CFAP47: variants seen among roughly 807,000 people sequenced by gnomAD.
CFAP47 encodes the protein cilia- and flagella-associated protein 47.
CFAP47 carries 29 observed loss-of-function variants against 148.1 expected under a neutral mutation model. That is an observed-to-expected ratio of 0.20 (90% confidence interval 0.15 to 0.27). CFAP47 has a LOEUF of 0.27. Ranked by LOEUF, CFAP47 falls within the 10% of genes least tolerant of loss-of-function variation. The pLI is 1.00. For synonymous variants in CFAP47, 664 were observed against 577.3 expected, an observed-to-expected ratio of 1.15 and a Z score of -2.15; for missense variants, 1,872 against 1,697.5, an observed-to-expected ratio of 1.10 and a Z score of -1.81.
intron 24 of CFAP47, among the ~76,000 whole-genome samples, chrX:36,037,281 C>T (rs948098719): frequency 1.8e-5 from 2 of 111,474 alleles, no homozygotes; most frequent in Non-Finnish European, 3.8e-5. Flanking sequence ...TTTCAATATG[C>T]GCTGGGCCCT....
intron 42 of CFAP47, among the ~76,000 whole-genome samples, chrX:36,196,391 G>A (rs6629052): frequency 0.13 from 14,546 of 110,150 alleles, 739 homozygotes; most frequent in East Asian, 0.26. Flanking sequence ...ATCACAAAAC[G>A]GGAAAGATCC....
chrX:36,219,517 G>A (rs1359758630), intron 45 of CFAP47, among the ~76,000 whole-genome samples: 1 of 110,879 alleles, frequency 9.0e-6, no homozygotes, highest in Non-Finnish European at 1.9e-5. Flanking sequence ...TATTATTGGT[G>A]GGACAAGAGT....
At chrX:36,094,558 T>A (rs1310172872) in intron 30 of CFAP47, among the ~76,000 whole-genome samples, 1 of 111,127 alleles carries the variant, frequency 9.0e-6, no homozygotes, top group East Asian at 2.8e-4. Flanking sequence ...CATCAGTGAT[T>A]TATGGTTTTC....
intron 26 of CFAP47, among the ~76,000 whole-genome samples, chrX:36,049,486 T>TCC (rs1335410550): frequency 1.5e-5 from 1 of 64,554 alleles, no homozygotes; most frequent in Admixed American, 1.9e-4. Flanking sequence ...TATTTCTCTC[T>TCC]CTCACACACA....
chrX:36,211,645 G>T, intron 45 of CFAP47: 1 of 204,492 alleles, frequency 4.9e-6, no homozygotes, highest in Admixed American at 5.9e-5. Context: ...GAGTTGTAAA[G>T]GTTGAAAACA....
intron 2 of CFAP47, among the ~76,000 whole-genome samples, chrX:35,937,861 G>A (rs1801417948): frequency 9.0e-6 from 1 of 110,872 alleles, no homozygotes; most frequent in Non-Finnish European, 1.9e-5. Flanking sequence ...AGTGAACCCT[G>A]AAAAAAGAAG....
At chrX:36,322,851 A>G (rs1941489303) in intron 57 of CFAP47, among the ~76,000 whole-genome samples, 1 of 110,780 alleles carries the variant, frequency 9.0e-6, no homozygotes, top group Admixed American at 9.7e-5. Context: ...GGGCTTGTTT[A>G]TTTTATAGAA....
At chrX:36,257,895 G>A (rs1358175909) in intron 49 of CFAP47, among the ~76,000 whole-genome samples, 1 of 111,990 alleles carries the variant, frequency 8.9e-6, no homozygotes, top group Non-Finnish European at 1.9e-5. Flanking sequence ...AGTCATATTA[G>A]TAGTCTTCAT....
At chrX:36,369,998 A>G (rs925663995) in intron 62 of CFAP47, among the ~76,000 whole-genome samples, 13 of 111,703 alleles carry the variant, frequency 1.2e-4, no homozygotes, top group African/African-American at 3.9e-4. Flanking sequence ...CCTCCTGGGT[A>G]TTGTCACCAG....
intron 33 of CFAP47, among the ~76,000 whole-genome samples, chrX:36,135,739 C>T (rs975548652): frequency 9.0e-6 from 1 of 111,549 alleles, no homozygotes; most frequent in South Asian, 3.7e-4. Context: ...ATGGCAGGTA[C>T]GTGAAAATGT....
intron 23 of CFAP47, among the ~76,000 whole-genome samples, chrX:36,034,105 A>G (rs1937312615): frequency 9.0e-6 from 1 of 111,615 alleles, no homozygotes; most frequent in South Asian, 3.7e-4. Flanking sequence ...AGGATAGCAC[A>G]TTGCATTTAG....
Position 36,027,685 on chromosome X carries a change from G to A in CFAP47, c.3557-3568G>A, listed in dbSNP as rs147512876. Among the ~76,000 whole-genome samples the A allele has an allele frequency of 5.4e-3, 600 of 111,122 alleles. 6 individuals are homozygous for A. Among genetic ancestry groups the A allele is most frequent in the African/African-American group, 0.019 (574 of 30,594 alleles). ...TTGGGTTTATGCCCAGTAGTGGGAT[G>A]GCTAGATCAAATGGTAGTGCAATTT... On this transcript the variant is annotated intron_variant, in intron 22 of 63. Coordinates refer to ENST00000378653, the MANE Select transcript of CFAP47 (RefSeq NM_001304548.2).
Position 35,971,823 on chromosome X carries a change from C to G in CFAP47, c.2158-46C>G, listed in dbSNP as rs754014624. On this transcript the variant is annotated intron_variant, in intron 12 of 63. Transcript: ENST00000378653. ...TATTCCACGAGAATTCTTAAAATAGCTTTTGCTAATAATGAATAATTCTGG... is the reference window on the plus strand; with the variant it reads ...TATTCCACGAGAATTCTTAAAATAGGTTTTGCTAATAATGAATAATTCTGG... The G allele has an allele frequency of 2.5e-6, 3 of 1,185,925 alleles. No homozygotes were observed. In the East Asian group the frequency reaches 8.9e-5, roughly 35 times the overall value.
At chrX:36,199,369 C>G (rs994753926) in intron 42 of CFAP47, among the ~76,000 whole-genome samples, 1 of 112,365 alleles carries the variant, frequency 8.9e-6, no homozygotes, top group Non-Finnish European at 1.9e-5. Flanking sequence ...ATGTCCACCT[C>G]TGCTGATCTT....
intron 45 of CFAP47, among the ~76,000 whole-genome samples, chrX:36,213,456 G>C (rs184653965): frequency 9.0e-6 from 1 of 111,596 alleles, no homozygotes; most frequent in East Asian, 2.8e-4. Flanking sequence ...TTTGGAAGGA[G>C]TCTAGAAACC....
At chrX:36,326,680 C>A (rs1201946851) in intron 57 of CFAP47, among the ~76,000 whole-genome samples, 1 of 111,920 alleles carries the variant, frequency 8.9e-6, no homozygotes, top group Non-Finnish European at 1.9e-5. Flanking sequence ...GATGATTTAG[C>A]GTACCTGCAG....
chrX:36,195,126 T>C (rs73197177), intron 42 of CFAP47, among the ~76,000 whole-genome samples: 32 of 113,073 alleles, frequency 2.8e-4, no homozygotes, highest in Non-Finnish European at 5.2e-4. Context: ...CACAGTGTCC[T>C]GAAACATGTC....
chrX:36,335,575 C>A (rs1390341888), intron 57 of CFAP47, among the ~76,000 whole-genome samples: 3 of 111,871 alleles, frequency 2.7e-5, no homozygotes, highest in African/African-American at 9.8e-5. Context: ...TAGATTAATG[C>A]CCTCTTTTGG....
At position 35,959,552 on chromosome X, in the gene CFAP47, T is replaced by C. The variant is rs371103689; in HGVS notation, c.1410+3356T>C. 1.3e-4 allele frequency among the ~76,000 whole-genome samples: 15 copies of C among 111,948 alleles called. No individual in the cohort carries two copies. In the East Asian group the frequency reaches 4.2e-3, roughly 32 times the overall value. ...GGTCGGGCGCGGTGGCTCACGCCTG[T>C]AATCCCAGCACTTTGGGAGGCCGAG... On this transcript the variant is annotated intron_variant, in intron 8 of 63. Coordinates refer to ENST00000378653, the MANE Select transcript of CFAP47 (RefSeq NM_001304548.2).
Sources: gnomAD v4.1 joint callset for allele counts (sites outside exome capture counted in the v4.1 genomes callset) on GRCh38, gnomAD v4.1.1 for gene constraint, MANE v1.5 for transcripts, NCBI Gene and HGNC (gene_info 2026-07-23, HGNC 2026-07-21) for gene names.